The following CSMD3 variants were observed in gnomAD, a reference collection of about 807,000 sequenced individuals.
The protein encoded by CSMD3 is CUB and sushi domain-containing protein 3.
A neutral mutation model predicts 435.2 loss-of-function variants in CSMD3; 177 were observed. The ratio of observed to expected loss-of-function variants is 0.41; its 90% CI spans 0.36 to 0.46. CSMD3 has a LOEUF of 0.46. Among genes scored for constraint, CSMD3 ranks in the 20% least tolerant of loss-of-function variants. CSMD3 has a pLI of 0.34. For synonymous variants in CSMD3, 1,656 were observed against 1,520.5 expected (o/e 1.09, Z -2.07); for missense variants, 4,265 against 4,504.6 (o/e 0.95, Z 1.52).
chr8:113,228,183 T>A (rs2093048690), intron 3 of CSMD3, among the ~76,000 whole-genome samples: 1 of 151,652 alleles, frequency 6.6e-6, no homozygotes, highest in African/African-American at 2.4e-5. Context: ...TTTTCCTGTC[T>A]TCTTAAAAAC....
intron 3 of CSMD3, among the ~76,000 whole-genome samples, chr8:113,249,177 C>G (rs2093310676): frequency 6.6e-6 from 1 of 152,088 alleles, no homozygotes; most frequent in South Asian, 2.1e-4. Flanking sequence ...ACTCCTCATT[C>G]ACCTTCAGCC....
At chr8:112,799,692 G>T (rs902600876) in intron 13 of CSMD3, among the ~76,000 whole-genome samples, 1 of 151,804 alleles carries the variant, frequency 6.6e-6, no homozygotes, top group African/African-American at 2.4e-5. Flanking sequence ...ACTGACACTG[G>T]GATGGGCAAA....
chr8:112,414,328 G>A (rs1811678506), intron 32 of CSMD3, among the ~76,000 whole-genome samples: 1 of 152,048 alleles, frequency 6.6e-6, no homozygotes, highest in Non-Finnish European at 1.5e-5. Flanking sequence ...TCTCATGATA[G>A]TGAATGAGTT....
intron 6 of CSMD3, among the ~76,000 whole-genome samples, chr8:113,012,480 ATATGT>A (rs1430772987): frequency 6.6e-6 from 1 of 151,896 alleles, no homozygotes; most frequent in Non-Finnish European, 1.5e-5. Flanking sequence ...TGTAATCCCG[ATATGT>A]TAAGAGAGGG....
At chr8:112,390,903 CT>C in intron 35 of CSMD3, 115 bp from the exon 36 acceptor site, 1 of 1,004,122 alleles carries the variant, frequency 1.0e-6, no homozygotes, top group Non-Finnish European at 1.5e-6. Flanking sequence ...TCAAATCATA[CT>C]TTTTTCAAAA....
At chr8:113,236,025 T>C (rs1320970240) in intron 3 of CSMD3, among the ~76,000 whole-genome samples, 2 of 152,104 alleles carry the variant, frequency 1.3e-5, no homozygotes, top group African/African-American at 2.4e-5. Flanking sequence ...ATTCCAACAT[T>C]TGGGGGCTAG....
intron 13 of CSMD3, among the ~76,000 whole-genome samples, chr8:112,792,850 T>C (rs1252944133): frequency 6.6e-6 from 1 of 152,040 alleles, no homozygotes; most frequent in African/African-American, 2.4e-5. Flanking sequence ...GGCCATAATA[T>C]GTGGGTCTAT....
chr8:113,227,657 TTCCTGCCTCTCTTGTGCTCTC>T (rs1384165792), intron 3 of CSMD3, among the ~76,000 whole-genome samples: 6 of 151,592 alleles, frequency 4.0e-5, no homozygotes, highest in Non-Finnish European at 7.4e-5. Flanking sequence ...TGTTTGGCAG[TTCCTGCCTCTCTTGTGCTCTC>T]TCCTGCCACC....
intron 48 of CSMD3, 109 bp from the exon 49 acceptor site, chr8:112,314,161 C>A: frequency 1.2e-6 from 1 of 827,996 alleles, no homozygotes; most frequent in South Asian, 1.5e-5. Flanking sequence ...TGCTTCACCA[C>A]CAATCTACCT....
At chr8:113,286,465 A>G (rs2093647428) in intron 2 of CSMD3, among the ~76,000 whole-genome samples, 1 of 152,086 alleles carries the variant, frequency 6.6e-6, no homozygotes, top group East Asian at 1.9e-4. Context: ...TTAAATAATA[A>G]ATTGTACGTT....
intron 38 of CSMD3, among the ~76,000 whole-genome samples, chr8:112,364,441 A>T (rs1827563130): frequency 2.0e-5 from 3 of 152,022 alleles, no homozygotes; most frequent in Admixed American, 1.3e-4. Flanking sequence ...AACTACCATT[A>T]CTTCATGCAG....
intron 10 of CSMD3, among the ~76,000 whole-genome samples, chr8:112,871,499 G>GA (rs2130051649): frequency 6.6e-6 from 1 of 152,192 alleles, no homozygotes; most frequent in Non-Finnish European, 1.5e-5. Context: ...AAGGGAAATG[G>GA]AAAAATAGGA....
intron 22 of CSMD3, among the ~76,000 whole-genome samples, chr8:112,632,734 T>G (rs371903910): frequency 6.6e-6 from 1 of 152,068 alleles, no homozygotes; most frequent in African/African-American, 2.4e-5. Context: ...AAAGAAATCA[T>G]GTACTTATAT....
In CSMD3 at chr8:112,516,646, A is replaced by C. The variant is rs527654080; in HGVS notation, c.4756+388T>G. On this transcript the variant is annotated intron_variant, in intron 28 of 70. Transcript: ENST00000297405. ...CTTGGAAATTCTGACATAGGTTCTGACAATATTTTCTTTCTTAAATGAAAT... is the reference window on the plus strand; with the variant it reads ...CTTGGAAATTCTGACATAGGTTCTGCCAATATTTTCTTTCTTAAATGAAAT... Among the ~76,000 whole-genome samples, 3 of 152,306 alleles carry C rather than the reference A, an allele frequency of 2.0e-5. No homozygotes were observed. In the South Asian group the frequency reaches 6.2e-4, roughly 32 times the overall value.
intron 13 of CSMD3, among the ~76,000 whole-genome samples, chr8:112,732,408 T>A (rs989289057): frequency 5.3e-5 from 8 of 152,014 alleles, no homozygotes; most frequent in African/African-American, 1.9e-4. Flanking sequence ...ATTGTTTAAT[T>A]ATATTAATTT....
intron 3 of CSMD3, among the ~76,000 whole-genome samples, chr8:113,192,849 T>A (rs752225275): frequency 7.9e-5 from 12 of 151,670 alleles, no homozygotes; most frequent in Non-Finnish European, 1.5e-4. Context: ...GGACTTTAGC[T>A]TCTATGCTAG....
At chr8:113,197,438 A>T (rs989426415) in intron 3 of CSMD3, among the ~76,000 whole-genome samples, 2 of 151,192 alleles carry the variant, frequency 1.3e-5, no homozygotes, top group African/African-American at 4.8e-5. Flanking sequence ...TCCCATGGGG[A>T]TCCAATCAAC....
At chr8:112,225,235 A>G (rs1812459683) in intron 70 of CSMD3, among the ~76,000 whole-genome samples, 1 of 152,134 alleles carries the variant, frequency 6.6e-6, no homozygotes, top group South Asian at 2.1e-4. Context: ...CTTATCATTT[A>G]TAGTATAAAT....
chr8:113,018,707 T>G, intron 6 of CSMD3: 1 of 224,278 alleles, frequency 4.5e-6, no homozygotes. Context: ...TGGAGGTGAG[T>G]TTCGATTGAG....
Sources: allele counts gnomAD v4.1 joint callset (sites outside exome capture counted in the v4.1 genomes callset), GRCh38; gene constraint gnomAD v4.1.1; transcripts MANE v1.5; gene names NCBI Gene and HGNC (gene_info 2026-07-23, HGNC 2026-07-21).